KCNT2: variants seen among roughly 807,000 people sequenced by gnomAD.
KCNT2 encodes potassium sodium-activated channel subfamily T member 2, also known as potassium channel subfamily T member 2.
KCNT2 carries 67 observed loss-of-function variants against 153.8 expected under a neutral mutation model. The ratio of observed to expected loss-of-function variants is 0.44; its 90% confidence interval spans 0.36 to 0.53. The LOEUF (loss-of-function observed/expected upper bound fraction) is 0.53, where lower values mean the gene tolerates loss of function less well. KCNT2 is among the 20% of genes least tolerant of loss of function. The pLI, the probability that KCNT2 is intolerant of heterozygous loss-of-function variation, is 0.00. For missense variants in KCNT2, 975 were observed against 1,354.8 expected, an observed-to-expected ratio of 0.72 and a Z score of 4.40; for synonymous variants, 500 against 458.8, an observed-to-expected ratio of 1.09 and a Z score of -1.15.
At chr1:196,408,246 C>A (rs769718184) in intron 12 of KCNT2, among the ~76,000 whole-genome samples, 1 of 151,362 alleles carries the variant, frequency 6.6e-6, no homozygotes, top group African/African-American at 2.4e-5. Context: ...AGTTTTACAC[C>A]CTTATCCAAG....
chr1:196,383,779 T>C (rs556676905), intron 13 of KCNT2, among the ~76,000 whole-genome samples: 1 of 152,312 alleles, frequency 6.6e-6, no homozygotes, highest in Admixed American at 6.5e-5. Flanking sequence ...GCAGAAATGC[T>C]ATATAAAGTA....
intron 1 of KCNT2, among the ~76,000 whole-genome samples, chr1:196,516,396 C>T (rs533911549): frequency 5.8e-4 from 89 of 152,216 alleles, no homozygotes; most frequent in African/African-American, 2.1e-3. Context: ...GTCCCTGATC[C>T]CATTTTTCTT....
Position 196,501,970 on chromosome 1 carries a change from C to G in KCNT2, c.96-9629G>C, listed in dbSNP as rs1158942425. ...CTCATCTCTACTAAAATACAAAAAA[C>G]TAGCGGGGCATGGCGGCGGGTGCCT... On this transcript the variant is annotated intron_variant, in intron 1 of 27. Transcript: ENST00000294725. 3.9e-5 allele frequency among the ~76,000 whole-genome samples: 6 copies of G among 152,012 alleles called. No homozygotes were observed. The East Asian group carries it at 1.2e-3, about 29-fold the overall frequency.
chr1:196,407,699 G>C (rs568797325), intron 12 of KCNT2, among the ~76,000 whole-genome samples: 12 of 151,408 alleles, frequency 7.9e-5, no homozygotes, highest in African/African-American at 2.9e-4. Flanking sequence ...TGTCTGAAGG[G>C]TACATGAAGG....
chr1:196,284,246 A>T (rs865850692), intron 23 of KCNT2, among the ~76,000 whole-genome samples: 7 of 14,118 alleles, frequency 5.0e-4, no homozygotes, highest in African/African-American at 1.7e-4. Flanking sequence ...AAAAAAAAAA[A>T]AAATATATAT....
intron 14 of KCNT2, among the ~76,000 whole-genome samples, chr1:196,367,326 T>C (rs1185429438): frequency 1.3e-5 from 2 of 152,178 alleles, no homozygotes; most frequent in Admixed American, 6.6e-5. Flanking sequence ...CTTTAATGAC[T>C]GTCAATGACC....
At chr1:196,543,260 C>T (rs79912361) in intron 1 of KCNT2, among the ~76,000 whole-genome samples, 3,275 of 152,146 alleles carry the variant, frequency 0.022, 119 homozygotes, top group African/African-American at 0.074. Context: ...ATCTGTCTTT[C>T]AGCAATATCT....
chr1:196,314,077 T>G (rs930278909), intron 21 of KCNT2, among the ~76,000 whole-genome samples: 3 of 151,622 alleles, frequency 2.0e-5, no homozygotes, highest in African/African-American at 7.3e-5. Flanking sequence ...TTAATTTGTT[T>G]TAAATTACTA....
intron 1 of KCNT2, among the ~76,000 whole-genome samples, chr1:196,506,675 A>G (rs1681173413): frequency 6.6e-6 from 1 of 152,192 alleles, no homozygotes; most frequent in Non-Finnish European, 1.5e-5. Context: ...CCTTGATCCT[A>G]GAGCCTAATA....
At chr1:196,604,951 A>G (rs1172534150) in intron 1 of KCNT2, among the ~76,000 whole-genome samples, 1 of 152,154 alleles carries the variant, frequency 6.6e-6, no homozygotes, top group Non-Finnish European at 1.5e-5. Flanking sequence ...AAGTTGATTC[A>G]CAGAAAATCT....
chr1:196,408,524 T>A (rs1672020211), intron 12 of KCNT2, among the ~76,000 whole-genome samples: 1 of 151,594 alleles, frequency 6.6e-6, no homozygotes, highest in Non-Finnish European at 1.5e-5. Context: ...ATTTTAAACC[T>A]TTCTAATATA....
At chr1:196,511,144 CA>C (rs1352025965) in intron 1 of KCNT2, among the ~76,000 whole-genome samples, 3 of 151,510 alleles carry the variant, frequency 2.0e-5, no homozygotes, top group African/African-American at 7.3e-5. Flanking sequence ...CACACACACA[CA>C]CACACACACA....
chr1:196,265,469 T>C (rs1286072912), intron 25 of KCNT2, among the ~76,000 whole-genome samples: 1 of 152,190 alleles, frequency 6.6e-6, no homozygotes, highest in Non-Finnish European at 1.5e-5. Flanking sequence ...GTGTCTAATA[T>C]TGAATCAAGT....
At chr1:196,349,729 T>C (rs1666468625) in intron 14 of KCNT2, among the ~76,000 whole-genome samples, 1 of 152,008 alleles carries the variant, frequency 6.6e-6, no homozygotes. Flanking sequence ...TATTATACTT[T>C]AAGTTTTAGG....
intron 24 of KCNT2, 39 bp from the exon 25 acceptor site, chr1:196,281,027 A>C: frequency 1.3e-6 from 2 of 1,521,634 alleles, no homozygotes; most frequent in Admixed American, 1.8e-5. Flanking sequence ...TAAATGTGTC[A>C]GAAATAAAAA....
intron 19 of KCNT2, among the ~76,000 whole-genome samples, chr1:196,325,797 A>G (rs1431257058): frequency 1.3e-5 from 2 of 152,110 alleles, no homozygotes; most frequent in African/African-American, 2.4e-5. Context: ...TCTTATAATG[A>G]TGATTCTAAG....
intron 25 of KCNT2, among the ~76,000 whole-genome samples, chr1:196,272,549 G>T (rs1216720724): frequency 6.6e-6 from 1 of 151,772 alleles, no homozygotes; most frequent in East Asian, 1.9e-4. Flanking sequence ...TCCAGATAAA[G>T]TTTATGTATT....
intron 13 of KCNT2, among the ~76,000 whole-genome samples, chr1:196,374,945 G>A (rs1428537085): frequency 1.3e-5 from 2 of 151,810 alleles, no homozygotes; most frequent in Non-Finnish European, 1.5e-5. Flanking sequence ...TACCATATAT[G>A]CAATGTAGCA....
At chr1:196,592,275 ACTTATTTGTGGGAT>A (rs1007536023) in intron 1 of KCNT2, among the ~76,000 whole-genome samples, 18 of 152,000 alleles carry the variant, frequency 1.2e-4, no homozygotes, top group African/African-American at 3.9e-4. Context: ...ACATCTTTTC[ACTTATTTGTGGGAT>A]CTAAAAATCA....
Sources: allele counts gnomAD v4.1 joint callset (sites outside exome capture counted in the v4.1 genomes callset), GRCh38; gene constraint gnomAD v4.1.1; transcripts MANE v1.5; gene names NCBI Gene and HGNC (gene_info 2026-07-23, HGNC 2026-07-21).